The following DMD variants were observed in gnomAD, a reference collection of about 807,000 sequenced individuals.
DMD encodes the protein mutant dystrophin.
DMD carries 63 observed loss-of-function variants against 330.1 expected under a neutral mutation model. The observed-to-expected ratio is 0.19, with a 90% CI of 0.16 to 0.24. The LOEUF is 0.24. Ranked by LOEUF, DMD falls within the 10% of genes least tolerant of loss-of-function variation. The pLI is 1.00. For synonymous variants in DMD, 1,223 were observed against 959.8 expected (o/e 1.27, Z -5.07); for missense variants, 3,344 against 2,684.1 (o/e 1.25, Z -5.43).
intron 55 of DMD, among the ~76,000 whole-genome samples, chrX:31,616,404 T>G (rs761595220): frequency 1.8e-5 from 2 of 111,529 alleles, no homozygotes; most frequent in East Asian, 5.7e-4. Context: ...TTCATTTTAG[T>G]AGGAGTTGAA....
intron 26 of DMD, among the ~76,000 whole-genome samples, chrX:32,454,224 G>A (rs1303757078): frequency 3.6e-5 from 4 of 110,951 alleles, no homozygotes; most frequent in Admixed American, 9.6e-5. Flanking sequence ...TAAAGGCTAC[G>A]GGTTCAAATA....
chrX:32,577,286 C>G (rs1040680095), intron 13 of DMD, among the ~76,000 whole-genome samples: 3 of 111,949 alleles, frequency 2.7e-5, no homozygotes, highest in African/African-American at 9.7e-5. Context: ...CTTGCCAGTA[C>G]CTTGGTCTTG....
chrX:31,751,968 T>C (rs1052310721), intron 51 of DMD, among the ~76,000 whole-genome samples: 1 of 112,193 alleles, frequency 8.9e-6, no homozygotes, highest in African/African-American at 3.2e-5. Flanking sequence ...TTCCAGCTTT[T>C]AGAGCCTGCC....
At chrX:32,490,954 C>T (rs2042934549) in intron 20 of DMD, among the ~76,000 whole-genome samples, 1 of 111,895 alleles carries the variant, frequency 8.9e-6, no homozygotes, top group Admixed American at 9.5e-5. Flanking sequence ...TTTCACTCGT[C>T]ACAAAGAAAG....
intron 2 of DMD, among the ~76,000 whole-genome samples, chrX:33,007,795 G>A (rs762386145): frequency 9.0e-6 from 1 of 111,267 alleles, no homozygotes; most frequent in South Asian, 3.7e-4. Flanking sequence ...ATTTGTAAAG[G>A]ATAAGAACTT....
At chrX:31,753,765 C>T (rs904345309) in intron 51 of DMD, among the ~76,000 whole-genome samples, 6 of 111,509 alleles carry the variant, frequency 5.4e-5, no homozygotes, top group Non-Finnish European at 1.1e-4. Flanking sequence ...TACACAATTC[C>T]TGTACATAAA....
At chrX:31,927,039 A>T (rs768226719) in intron 47 of DMD, among the ~76,000 whole-genome samples, 1 of 112,062 alleles carries the variant, frequency 8.9e-6, no homozygotes, top group East Asian at 2.8e-4. Context: ...ACTTTTAAAA[A>T]AACTTGTGTT....
intron 71 of DMD, among the ~76,000 whole-genome samples, chrX:31,175,068 C>T (rs1266603752): frequency 1.8e-5 from 2 of 111,903 alleles, no homozygotes; most frequent in East Asian, 5.6e-4. Context: ...CCTGGCATAG[C>T]CCATTATTAG....
At chrX:32,252,952 A>G (rs2097282537) in intron 43 of DMD, among the ~76,000 whole-genome samples, 1 of 91,428 alleles carries the variant, frequency 1.1e-5, no homozygotes, top group South Asian at 4.4e-4. Flanking sequence ...ATAAATATAT[A>G]TAAATATATA....
intron 44 of DMD, among the ~76,000 whole-genome samples, chrX:32,215,512 G>C (rs1469373815): frequency 1.8e-5 from 2 of 111,146 alleles, no homozygotes; most frequent in Non-Finnish European, 3.8e-5. Flanking sequence ...AATTCATACT[G>C]AACAACTATC....
rs762588539 is a variant in DMD, at chrX:32,389,734, C to T, written c.4345-60G>A. The T allele has an allele frequency of 5.2e-5, 54 of 1,043,371 alleles. No individual in the cohort carries two copies. The Admixed American group carries it at 7.7e-4, about 15-fold the overall frequency. The allele number at this position is 1,043,371 out of a possible 1,213,427, so 86.0% of individuals were successfully genotyped here. On this transcript the variant is annotated intron_variant, in intron 31 of 78. Coordinates refer to ENST00000357033, the MANE Select transcript of DMD (RefSeq NM_004006.3). ...TTTGCCTTTCAAACAATAACTGGTC[C>T]TATTTTTATTGATAGATCTGCCTTT...
chrX:32,868,333 G>A (rs1190733830), intron 2 of DMD, among the ~76,000 whole-genome samples: 1 of 111,587 alleles, frequency 9.0e-6, no homozygotes, highest in Non-Finnish European at 1.9e-5. Flanking sequence ...AGACTGCTCA[G>A]TTTCCGGGGG....
At chrX:31,454,517 G>A (rs887914113) in intron 59 of DMD, among the ~76,000 whole-genome samples, 2 of 111,701 alleles carry the variant, frequency 1.8e-5, no homozygotes, top group Non-Finnish European at 3.8e-5. Flanking sequence ...CATTGTCCCT[G>A]AATGGGCCCT....
At chrX:32,698,328 A>G (rs780979771) in intron 8 of DMD, among the ~76,000 whole-genome samples, 1 of 111,473 alleles carries the variant, frequency 9.0e-6, no homozygotes, top group East Asian at 2.9e-4. Context: ...AATTTTCTCT[A>G]AATCCAAAGT....
intron 17 of DMD, among the ~76,000 whole-genome samples, chrX:32,525,558 A>G (rs772172155): frequency 1.2e-4 from 13 of 111,760 alleles, no homozygotes; most frequent in Non-Finnish European, 1.5e-4. Flanking sequence ...CCAAGAAGCA[A>G]TTGCACGTTT....
intron 17 of DMD, among the ~76,000 whole-genome samples, chrX:32,528,905 CTTTT>C (rs35476358): frequency 0.023 from 1,347 of 59,817 alleles, 27 homozygotes; most frequent in Admixed American, 0.083. Flanking sequence ...CAATGTATTT[CTTTT>C]TTTTTTTTTT....
At chrX:31,980,314 GATAA>G (rs2095468109) in intron 44 of DMD, among the ~76,000 whole-genome samples, 1 of 111,693 alleles carries the variant, frequency 9.0e-6, no homozygotes, top group African/African-American at 3.3e-5. Context: ...AAGGAGAATA[GATAA>G]ATAAATTGTG....
intron 44 of DMD, among the ~76,000 whole-genome samples, chrX:32,105,225 AG>A (rs761950900): frequency 8.9e-6 from 1 of 111,799 alleles, no homozygotes; most frequent in South Asian, 3.7e-4. Context: ...GAAATGCCTC[AG>A]GTAAGAATTG....
chrX:33,317,727 A>G (rs1229925136), intron 1 of DMD, among the ~76,000 whole-genome samples: 14 of 111,759 alleles, frequency 1.3e-4, no homozygotes, highest in Non-Finnish European at 3.8e-5. Context: ...AATGTTTCCT[A>G]TGCAGACATA....
Sources: allele counts gnomAD v4.1 joint callset (sites outside exome capture counted in the v4.1 genomes callset), GRCh38; gene constraint gnomAD v4.1.1; transcripts MANE v1.5; gene names NCBI Gene and HGNC (gene_info 2026-07-23, HGNC 2026-07-21).